Variants in USP15 observed in about 807,000 individuals in gnomAD.
The protein encoded by USP15 is ubiquitin carboxyl-terminal hydrolase 15.
A neutral mutation model predicts 127.1 loss-of-function variants in USP15; 18 were observed. The ratio of observed to expected loss-of-function variants is 0.14; its 90% CI spans 0.10 to 0.21. The LOEUF (loss-of-function observed/expected upper bound fraction) is 0.21. USP15 is among the 10% of genes least tolerant of loss of function. USP15 has a pLI of 1.00. For missense variants in USP15, 805 were observed against 1,159.9 expected (o/e 0.69, Z 4.44); for synonymous variants, 364 against 393.7 (o/e 0.92, Z 0.89).
intron 11 of USP15, among the ~76,000 whole-genome samples, chr12:62,388,721 T>TG (rs2067232317): frequency 6.6e-6 from 1 of 152,114 alleles, no homozygotes; most frequent in South Asian, 2.1e-4. Flanking sequence ...GCTGGTAAAC[T>TG]GGGAGAAAAC....
intron 3 of USP15, among the ~76,000 whole-genome samples, chr12:62,308,514 G>C (rs918886651): frequency 2.6e-5 from 4 of 151,916 alleles, no homozygotes; most frequent in African/African-American, 9.7e-5. Flanking sequence ...CCCTCCCCTC[G>C]GATCACTCAC....
At chr12:62,390,166 T>C (rs1317409221) in intron 14 of USP15, among the ~76,000 whole-genome samples, 178 bp downstream of exon 14, 1 of 152,180 alleles carries the variant, frequency 6.6e-6, no homozygotes, top group Non-Finnish European at 1.5e-5. Flanking sequence ...GTAAAACATA[T>C]TATGGAGGTA....
chr12:62,373,707 C>CT (rs141042020), intron 8 of USP15, among the ~76,000 whole-genome samples: 2 of 151,642 alleles, frequency 1.3e-5, no homozygotes, highest in Admixed American at 6.6e-5. Flanking sequence ...TAAGTTTGTT[C>CT]TTTTTTTAAA....
At chr12:62,365,354 C>T (rs1427390475) in intron 8 of USP15, among the ~76,000 whole-genome samples, 2 of 151,516 alleles carry the variant, frequency 1.3e-5, no homozygotes, top group South Asian at 2.1e-4. Context: ...TAAGTGTCTT[C>T]GAGTAGTGTC....
rs185092917 is a variant in USP15 at position 62,341,845 on chromosome 12, C to T, written c.684-7376C>T. 3.9e-3 allele frequency among the ~76,000 whole-genome samples: 590 copies of T among 152,196 alleles called. 3 individuals are homozygous for T. Among genetic ancestry groups the T allele is most frequent in the Non-Finnish European group, 6.5e-3 (440 of 68,014 alleles). ...TTCATTTCAACCTTGGAGAATCTGACGATTATGTGTCTTGGGGTTGATCTT... is the reference window on the plus strand; with the variant it reads ...TTCATTTCAACCTTGGAGAATCTGATGATTATGTGTCTTGGGGTTGATCTT... On this transcript the variant is annotated intron_variant, in intron 6 of 21. Transcript: ENST00000280377.
chr12:62,356,962 A>T (rs2066150200), intron 8 of USP15, among the ~76,000 whole-genome samples: 1 of 152,072 alleles, frequency 6.6e-6, no homozygotes, highest in Non-Finnish European at 1.5e-5. Context: ...CTGTTCTCAG[A>T]TCACCAAGTT....
chr12:62,374,260 C>T (rs1159257695), intron 8 of USP15: 3 of 324,168 alleles, frequency 9.3e-6, no homozygotes, highest in Non-Finnish European at 1.3e-5. Context: ...TAGTACTGGT[C>T]AGTTAGAAGG....
chr12:62,315,596 A>G (rs1053380568), intron 4 of USP15, among the ~76,000 whole-genome samples: 1 of 152,212 alleles, frequency 6.6e-6, no homozygotes, highest in Non-Finnish European at 1.5e-5. Flanking sequence ...TGAAGTTGTA[A>G]AACAAGATTA....
chr12:62,340,471 TG>T lies in USP15; in HGVS notation c.684-8749del, dbSNP rs1197027733. Among the ~76,000 whole-genome samples the T allele has an allele frequency of 4.6e-5, 7 of 152,350 alleles. No homozygotes were observed. In the East Asian group the frequency reaches 1.3e-3, roughly 29 times the overall value. ...CTCTTCCTTCTTTAGTTCTTTTAAT[TG>T]TGATATTAGGGTTTCAATTTCATAT... On this transcript the variant is annotated intron_variant, in intron 6 of 21. Transcript: ENST00000280377.
rs1331905527 is a variant in USP15 at position 62,401,262 on chromosome 12, A to G, written c.2750A>G (p.Glu917Gly). ...GACAGTAGTGTCTCCACTGCATCTG[A>G]AGACCAAATTGTGGTAAGTTTGTCT... ...FDDSSVSTAS[E>G]DQIVSKAAYV... Residue 917 changes from glutamate (E) to glycine (G), a missense_variant, in exon 21 of 22, where the codon GAA (glutamate) becomes GGA (glycine). Glu to Gly is a moderately conservative substitution (Grantham distance 98). Around this residue, in one of 11 missense-constraint regions of USP15, gnomAD observed 116 missense variants for 157.2 expected, o/e 0.74. Coordinates refer to ENST00000280377, the MANE Select transcript of USP15 (RefSeq NM_001252078.2). 1 of 1,611,634 alleles carries G rather than the reference A, an allele frequency of 6.2e-7. No homozygotes were observed. The highest frequency in any genetic ancestry group is 8.5e-7 in the Non-Finnish European group (1 of 1,178,430).
intron 19 of USP15, 36 bp downstream of exon 19, chr12:62,393,238 CTCT>C (rs2067378137): frequency 4.4e-6 from 7 of 1,583,808 alleles, no homozygotes; most frequent in Non-Finnish European, 5.2e-6. Flanking sequence ...CATTGGGCAA[CTCT>C]TCTTTCAAAC....
At chr12:62,303,764 G>T (rs2064393990) in intron 3 of USP15, among the ~76,000 whole-genome samples, 1 of 152,096 alleles carries the variant, frequency 6.6e-6, no homozygotes, top group Non-Finnish European at 1.5e-5. Context: ...ATGGTTTTAG[G>T]TATATTAGAA....
At chr12:62,272,852 T>A (rs1303606375) in intron 1 of USP15, among the ~76,000 whole-genome samples, 1 of 152,076 alleles carries the variant, frequency 6.6e-6, no homozygotes, top group Admixed American at 6.6e-5. Context: ...AATATAACTT[T>A]ATGTAAGTTT....
intron 8 of USP15, among the ~76,000 whole-genome samples, chr12:62,380,983 C>T (rs2066975616): frequency 6.6e-6 from 1 of 152,066 alleles, no homozygotes; most frequent in African/African-American, 2.4e-5. Flanking sequence ...GTAATCTGTA[C>T]TGTCTCTTCT....
In USP15 at chr12:62,412,155, C is replaced by G. The variant is rs1185011941; in HGVS notation, c.*7780C>G. 2 of 152,172 alleles carry G rather than the reference C, an allele frequency of 1.3e-5. No individual in the cohort carries two copies. Among genetic ancestry groups the G allele is most frequent in the Non-Finnish European group, 2.9e-5 (2 of 68,030 alleles). 9.4% of individuals were successfully genotyped at this position (152,172 alleles called of 1,614,324 possible). ...ATATAAAAGGCATATTTACCCTATA[C>G]TGTAGTCTATTAACTGCAATAACAT... On this transcript the variant is annotated 3_prime_UTR_variant, in exon 22 of 22. Coordinates refer to ENST00000280377, the MANE Select transcript of USP15 (RefSeq NM_001252078.2).
chr12:62,327,489 T>G (rs941938409), intron 6 of USP15, among the ~76,000 whole-genome samples: 2 of 152,176 alleles, frequency 1.3e-5, no homozygotes, highest in Non-Finnish European at 2.9e-5. Flanking sequence ...AATGTTTAGA[T>G]TGCTATGTAC....
intron 4 of USP15, among the ~76,000 whole-genome samples, chr12:62,320,889 A>G (rs551066111): frequency 6.6e-6 from 1 of 152,256 alleles, no homozygotes; most frequent in South Asian, 2.1e-4. Context: ...ACTAGATGAA[A>G]TTTCAGTAAA....
rs532124106 is a variant in USP15 at position 62,415,075 on chromosome 12, A to C, written c.*10700A>C. 6.6e-6 allele frequency: 1 copy of C among 151,926 alleles called. No homozygotes were observed. The highest frequency in any genetic ancestry group is 1.5e-5 in the Non-Finnish European group (1 of 68,012). 9.4% of individuals were successfully genotyped at this position (151,926 alleles called of 1,614,324 possible). ...TGCACTTAGGCTGAGAAGTCTCATG[A>C]TCTTCAGTCAGCAGGCTGGAGACCC... On this transcript the variant is annotated 3_prime_UTR_variant, in exon 22 of 22. Transcript: ENST00000280377.
chr12:62,412,657 C>T lies in USP15; in HGVS notation c.*8282C>T, dbSNP rs2068065725. The T allele has an allele frequency of 6.6e-6, 1 of 152,432 alleles. No homozygotes were observed. The highest frequency in any genetic ancestry group is 1.5e-5 in the Non-Finnish European group (1 of 68,248). The allele number at this position is 152,432 out of a possible 1,614,324, so 9.4% of individuals were successfully genotyped here. On this transcript the variant is annotated 3_prime_UTR_variant, in exon 22 of 22. Transcript: ENST00000280377. ...ATTGTCAAGAAACTACTTTCCTTGC[C>T]CACCCATAAGAAGCAACTTATCATC...
Sources: allele counts gnomAD v4.1 joint callset (sites outside exome capture counted in the v4.1 genomes callset), GRCh38; gene constraint gnomAD v4.1.1; regional missense constraint gnomAD v4.1.1; transcripts MANE v1.5; gene names NCBI Gene and HGNC (gene_info 2026-07-23, HGNC 2026-07-21).